Variants in KSR2 observed in about 807,000 individuals in gnomAD.
The protein encoded by KSR2 is kinase suppressor of ras 2.
KSR2 carries 25 observed loss-of-function variants against 107.8 expected under a neutral mutation model. The observed-to-expected ratio is 0.23, with a 90% CI of 0.17 to 0.32. The LOEUF (loss-of-function observed/expected upper bound fraction) is 0.32, where lower values mean the gene tolerates loss of function less well. Ranked by LOEUF, KSR2 falls within the 10% of genes least tolerant of loss-of-function variation. The pLI is 1.00. For missense variants in KSR2, 887 were observed against 1,268.9 expected (o/e 0.70, Z 4.57); for synonymous variants, 480 against 507.0 (o/e 0.95, Z 0.71).
chr12:117,954,509 G>A (rs1363153684), intron 1 of KSR2, among the ~76,000 whole-genome samples: 1 of 152,202 alleles, frequency 6.6e-6, no homozygotes, highest in African/African-American at 2.4e-5. Context: ...TAGTGGGTGT[G>A]CCACTATGCT....
chr12:117,765,167 T>A (rs1010471508), intron 3 of KSR2, among the ~76,000 whole-genome samples: 3 of 152,240 alleles, frequency 2.0e-5, no homozygotes, highest in Admixed American at 6.5e-5. Flanking sequence ...CATCGCATGG[T>A]AAGCTCTGGA....
rs924799138 is a variant in KSR2 at position 117,617,697 on chromosome 12, G to C, written c.1172-35338C>G. Among the ~76,000 whole-genome samples the C allele has an allele frequency of 1.6e-4, 24 of 152,326 alleles. 1 individual carries two copies. Among genetic ancestry groups the C allele is most frequent in the Admixed American group, 8.5e-4 (13 of 15,298 alleles). The stretch of plus-strand genomic sequence containing the variant: ...AAGTAGTTGATGGGTCTAGGAGGAT[G>C]AAGTGATTGCACAGGGAATGAGAGA... On this transcript the variant is annotated intron_variant, in intron 5 of 19. Coordinates refer to ENST00000339824, the MANE Select transcript of KSR2 (RefSeq NM_173598.6).
intron 4 of KSR2, among the ~76,000 whole-genome samples, chr12:117,755,634 A>G (rs533638397): frequency 6.6e-6 from 1 of 152,352 alleles, no homozygotes; most frequent in African/African-American, 2.4e-5. Context: ...TATTGAAATT[A>G]GCCTGATTAA....
At chr12:117,645,689 A>G (rs78018067) in intron 5 of KSR2, among the ~76,000 whole-genome samples, 4,701 of 152,158 alleles carry the variant, frequency 0.031, 243 homozygotes, top group African/African-American at 0.11. Context: ...GTGATGGAAC[A>G]GTGTGGCCAA....
intron 3 of KSR2, among the ~76,000 whole-genome samples, chr12:117,804,587 C>T (rs537908733): frequency 6.6e-6 from 1 of 152,276 alleles, no homozygotes; most frequent in South Asian, 2.1e-4. Flanking sequence ...TAGTATTATA[C>T]TATTATTATA....
At chr12:117,757,707 C>T (rs1888844537) in intron 4 of KSR2, among the ~76,000 whole-genome samples, 1 of 152,180 alleles carries the variant, frequency 6.6e-6, no homozygotes, top group South Asian at 2.1e-4. Flanking sequence ...TCACTGAAGG[C>T]TCAGATGATC....
intron 1 of KSR2, among the ~76,000 whole-genome samples, chr12:117,887,616 A>G (rs1894213702): frequency 6.6e-6 from 1 of 152,154 alleles, no homozygotes; most frequent in African/African-American, 2.4e-5. Context: ...AGTGGCTTCA[A>G]CAAAGGAATT....
intron 4 of KSR2, among the ~76,000 whole-genome samples, chr12:117,731,850 A>G (rs1035838977): frequency 8.3e-5 from 12 of 144,682 alleles, no homozygotes; most frequent in Admixed American, 3.7e-4. Flanking sequence ...GCTCCTTAAG[A>G]GTCATCACCA....
chr12:117,656,983 T>TATATATATAATAGG (rs1565947157), intron 5 of KSR2, among the ~76,000 whole-genome samples: 174 of 13,014 alleles, frequency 0.013, no homozygotes, highest in African/African-American at 0.022. Flanking sequence ...TATAATAGGA[T>TATATATATAATAGG]ATATATATAT....
chr12:117,648,818 TCAGC>T (rs1883766924), intron 5 of KSR2, among the ~76,000 whole-genome samples: 1 of 152,144 alleles, frequency 6.6e-6, no homozygotes, highest in Non-Finnish European at 1.5e-5. Context: ...GGAAATATGC[TCAGC>T]CAAACAGAAA....
intron 1 of KSR2, among the ~76,000 whole-genome samples, chr12:117,879,171 TTATAGGTA>T (rs1199275138): frequency 1.3e-5 from 2 of 152,174 alleles, no homozygotes; most frequent in African/African-American, 4.8e-5. Flanking sequence ...CCAGAATGAA[TTATAGGTA>T]TATTTCAGAT....
chr12:117,629,935 G>A (rs1047125024), intron 5 of KSR2, among the ~76,000 whole-genome samples: 2 of 152,136 alleles, frequency 1.3e-5, no homozygotes, highest in Admixed American at 6.5e-5. Flanking sequence ...ACAAGCAACA[G>A]CAAGTCCCCT....
chr12:117,903,392 G>T (rs1343787364), intron 1 of KSR2, among the ~76,000 whole-genome samples: 2 of 152,082 alleles, frequency 1.3e-5, no homozygotes, highest in East Asian at 3.9e-4. Context: ...AAAAATAGAG[G>T]ATGTCCACTT....
At chr12:117,599,339 T>A (rs1188637124) in intron 5 of KSR2, among the ~76,000 whole-genome samples, 2 of 152,172 alleles carry the variant, frequency 1.3e-5, no homozygotes, top group African/African-American at 4.8e-5. Context: ...ACTTCACGCA[T>A]CAGATTCCTG....
chr12:117,649,216 A>G (rs1467917770), intron 5 of KSR2, among the ~76,000 whole-genome samples: 1 of 152,178 alleles, frequency 6.6e-6, no homozygotes, highest in Non-Finnish European at 1.5e-5. Context: ...CAACTCCTGG[A>G]CCAGAGTTTT....
Position 117,460,562 on chromosome 12 carries a change from C to A in KSR2, c.*6637G>T, listed in dbSNP as rs1592893957. The A allele has an allele frequency of 6.6e-6, 1 of 152,210 alleles. No individual in the cohort carries two copies. The highest frequency in any genetic ancestry group is 2.4e-5 in the African/African-American group (1 of 41,442). 9.4% of individuals were successfully genotyped at this position (152,210 alleles called of 1,614,324 possible). The stretch of plus-strand genomic sequence containing the variant: ...TAAGTTCAAGCTTCCGTGCAAACTC[C>A]CAGTATGGTCCCTGCCAGCCCCTGC... On this transcript the variant is annotated 3_prime_UTR_variant, in exon 20 of 20. Transcript: ENST00000339824.
At chr12:117,690,114 G>A (rs1885751376) in intron 4 of KSR2, among the ~76,000 whole-genome samples, 1 of 152,144 alleles carries the variant, frequency 6.6e-6, no homozygotes, top group Admixed American at 6.5e-5. Context: ...ACAGGCTGTG[G>A]GCCAAGTTTG....
chr12:117,588,597 G>A (rs1220683096), intron 5 of KSR2, among the ~76,000 whole-genome samples: 1 of 152,152 alleles, frequency 6.6e-6, no homozygotes, highest in Non-Finnish European at 1.5e-5. Flanking sequence ...GTGTTTTTCC[G>A]ATTAATGAGA....
intron 4 of KSR2, among the ~76,000 whole-genome samples, chr12:117,722,070 T>A (rs977404029): frequency 6.6e-6 from 1 of 152,060 alleles, no homozygotes; most frequent in African/African-American, 2.4e-5. Context: ...TTTTTAAGGG[T>A]CTCGCTATGT....
Sources: allele counts gnomAD v4.1 joint callset (sites outside exome capture counted in the v4.1 genomes callset), GRCh38; gene constraint gnomAD v4.1.1; transcripts MANE v1.5; gene names NCBI Gene and HGNC (gene_info 2026-07-23, HGNC 2026-07-21).